NIN: variants seen among roughly 807,000 people sequenced by gnomAD.
NIN encodes the protein glycogen synthase kinase 3 beta-interacting protein.
Under a neutral mutation model 257.6 loss-of-function variants are expected in NIN, and 137 were observed. The ratio of observed to expected loss-of-function variants is 0.53; its 90% CI spans 0.46 to 0.61. The LOEUF is 0.61. NIN is among the 20% of genes least tolerant of loss of function. The pLI, the probability that NIN is intolerant of heterozygous loss-of-function variation, is 0.00. For synonymous variants in NIN, 918 were observed against 919.8 expected (o/e 1.00, Z 0.04); for missense variants, 2,439 against 2,501.2 (o/e 0.98, Z 0.53).
At position 50,772,521 on chromosome 14, in the gene NIN, C is replaced by T. The variant is rs754282038; in HGVS notation, c.814-53G>A. The T allele has an allele frequency of 1.9e-4, 291 of 1,565,934 alleles. 1 individual carries two copies. The highest frequency in any genetic ancestry group is 1.4e-3 in the Middle Eastern group (8 of 5,594). On this transcript the variant is annotated intron_variant, in intron 8 of 30. Transcript: ENST00000530997. ...CCTAGCTTGATTCCAGGCATTTCAA[C>T]AAGATATTGGTCAGCCCTGACCACG...
chr14:50,725,566 A>G (rs1336587039), intron 30 of NIN, among the ~76,000 whole-genome samples: 1 of 152,118 alleles, frequency 6.6e-6, no homozygotes, highest in Non-Finnish European at 1.5e-5. Context: ...CAATTTAAAT[A>G]GGAATATTTC....
At chr14:50,760,436 GCTTT>G in intron 16 of NIN, 77 bp from the exon 17 acceptor site, 2 of 544,224 alleles carry the variant, frequency 3.7e-6, no homozygotes, top group East Asian at 3.7e-5. Context: ...AGCAGCAATT[GCTTT>G]TTTTTTTTTT....
chr14:50,762,396 C>T (rs983032705), intron 15 of NIN, among the ~76,000 whole-genome samples: 5 of 152,130 alleles, frequency 3.3e-5, no homozygotes, highest in African/African-American at 4.8e-5. Flanking sequence ...CTATCAACAA[C>T]CCATCACTCA....
At chr14:50,738,002 A>G in intron 27 of NIN, 138 bp downstream of exon 27, 1 of 829,440 alleles carries the variant, frequency 1.2e-6, no homozygotes. Context: ...CTATTTTGAC[A>G]AGATAACAGC....
At chr14:50,796,902 T>G (rs1168947906) in intron 4 of NIN, among the ~76,000 whole-genome samples, 1 of 152,206 alleles carries the variant, frequency 6.6e-6, no homozygotes. Flanking sequence ...TACAGGTCAC[T>G]GCTTAAAATG....
intron 29 of NIN, chr14:50,727,787 A>G (rs768366968): frequency 7.1e-7 from 1 of 1,414,976 alleles, no homozygotes; most frequent in East Asian, 3.3e-5. Flanking sequence ...CTTCACCCTC[A>G]TGTCAGGATG....
intron 6 of NIN, among the ~76,000 whole-genome samples, chr14:50,777,505 C>T (rs2042968871): frequency 6.6e-6 from 1 of 152,186 alleles, no homozygotes; most frequent in Non-Finnish European, 1.5e-5. Flanking sequence ...TCTGTAAGCT[C>T]TATCTCAACT....
chr14:50,756,786 G>A lies in NIN; in HGVS notation c.4244C>T (p.Thr1415Ile), dbSNP rs2042045891. 1 of 1,551,474 alleles carries A rather than the reference G, an allele frequency of 6.4e-7. No homozygotes were observed. Among genetic ancestry groups the A allele is most frequent in the African/African-American group, 1.4e-5 (1 of 73,028 alleles). Residue 1415 changes from threonine (T) to isoleucine (I), a missense_variant, in exon 18 of 31, where the codon ACA becomes ATA. By Grantham distance (89) the Thr-to-Ile change is moderately conservative. Coordinates refer to ENST00000530997, the MANE Select transcript of NIN (RefSeq NM_020921.4). ...TGGCCTTTCTTGATGTGTCTGAATT[G>A]TTCCATGTAACCAGGCAATTTCATG... The part of the protein sequence containing the change: ...KAHEIAWLHG[T>I]IQTHQERPRV...
At position 50,761,697 on chromosome 14, in the gene NIN, C is replaced by A. The variant is rs986839954; in HGVS notation, c.1896+93G>T. The A allele has an allele frequency of 4.9e-6, 7 of 1,428,186 alleles. No homozygotes were observed. In the Admixed American group the frequency reaches 1.2e-4, roughly 25 times the overall value. 88.5% of individuals were successfully genotyped at this position (1,428,186 alleles called of 1,614,324 possible). ...TGGGTTCCCAACATAGAATGTGCTGCTCTATGAGAAAAAAGAATTGGAAAT... is the reference window on the plus strand; with the variant it reads ...TGGGTTCCCAACATAGAATGTGCTGATCTATGAGAAAAAAGAATTGGAAAT... On this transcript the variant is annotated intron_variant, in intron 16 of 30. Coordinates refer to ENST00000530997, the MANE Select transcript of NIN (RefSeq NM_020921.4).
chr14:50,737,640 G>T (rs936114143), intron 27 of NIN, among the ~76,000 whole-genome samples: 3 of 128,732 alleles, frequency 2.3e-5, no homozygotes, highest in East Asian at 2.1e-4. Context: ...GTGGTTTTTT[G>T]TTGTTGTTTT....
chr14:50,748,879 T>C (rs936393649), intron 21 of NIN, among the ~76,000 whole-genome samples: 1 of 152,156 alleles, frequency 6.6e-6, no homozygotes, highest in Non-Finnish European at 1.5e-5. Context: ...AAAATGGCCA[T>C]ACTGCCCAAA....
In NIN at chr14:50,743,398, C is replaced by A. The variant is rs1410789481; in HGVS notation, c.5301+18G>T. 1 of 1,470,798 alleles carries A rather than the reference C, an allele frequency of 6.8e-7. No homozygotes were observed. Among genetic ancestry groups the A allele is most frequent in the Non-Finnish European group, 9.5e-7 (1 of 1,049,302 alleles). 91.1% of individuals were successfully genotyped at this position (1,470,798 alleles called of 1,614,324 possible). ...GAGAATACTAACCGTGAAGATGAAA[C>A]AAGAATTGTCCATGTACCTTTTCCT... On this transcript the variant is annotated intron_variant, in intron 24 of 30. Coordinates refer to ENST00000530997, the MANE Select transcript of NIN (RefSeq NM_020921.4).
At position 50,757,946 on chromosome 14, in the gene NIN, A is replaced by G; in HGVS notation, c.3084T>C (p.Pro1028=). The change falls in exon 18 of 31, where the codon CCT becomes CCC. Residue 1028 remains proline (P), a synonymous_variant. Coordinates refer to ENST00000530997, the MANE Select transcript of NIN (RefSeq NM_020921.4). The part of the protein sequence containing the change: ...KIKEMQQATS[P]LSMLQSGCQV... ...GGCAACCACTCTGAAGCATTGAGAG[A>G]GGAGATGTTGCCTGCTGCATTTCCT... 1 of 1,613,692 alleles carries G rather than the reference A, an allele frequency of 6.2e-7. No individual in the cohort carries two copies. The highest frequency in any genetic ancestry group is 1.7e-5 in the Admixed American group (1 of 60,012).
At position 50,756,578 on chromosome 14, in the gene NIN, G is replaced by T; in HGVS notation, c.4452C>A (p.His1484Gln). 1 of 1,610,296 alleles carries T rather than the reference G, an allele frequency of 6.2e-7. No individual in the cohort carries two copies. Among genetic ancestry groups the T allele is most frequent in the African/African-American group, 1.3e-5 (1 of 74,954 alleles). ...CCTTCAGCTCTTCCTCCTTTTCTCC[G>T]TGAGAAAGTACATCTTTTTGCTTAA... ...ILVKQKDVLS[H>Q]GEKEEELKAM... Residue 1484 changes from histidine (H) to glutamine (Q), a missense_variant, in exon 18 of 31, where the codon CAC (histidine) becomes CAA (glutamine). His to Gln is a conservative substitution (Grantham distance 24). Transcript: ENST00000530997.
chr14:50,729,226 T>C (rs1041830250), intron 29 of NIN, among the ~76,000 whole-genome samples: 42 of 151,876 alleles, frequency 2.8e-4, no homozygotes, highest in African/African-American at 9.4e-4. Context: ...TAAATATCTC[T>C]CTGAAAGAAG....
intron 5 of NIN, among the ~76,000 whole-genome samples, chr14:50,788,370 A>G (rs2043435393): frequency 6.6e-6 from 1 of 152,212 alleles, no homozygotes; most frequent in Non-Finnish European, 1.5e-5. Flanking sequence ...ATATAAATTT[A>G]GTTGCTTCAA....
At chr14:50,823,175 A>G (rs1185926887) in intron 2 of NIN, 4 of 545,700 alleles carry the variant, frequency 7.3e-6, no homozygotes, top group African/African-American at 2.0e-5. Flanking sequence ...TTTTCCTTGC[A>G]TGACAGTTCA....
intron 5 of NIN, among the ~76,000 whole-genome samples, chr14:50,780,008 C>A (rs1330990272): frequency 6.6e-6 from 1 of 152,214 alleles, no homozygotes; most frequent in African/African-American, 2.4e-5. Context: ...TCACAGCATA[C>A]AGTTGTAATT....
chr14:50,747,749 AAG>A (rs1491500929), intron 22 of NIN, among the ~76,000 whole-genome samples: 3,373 of 127,184 alleles, frequency 0.027, 132 homozygotes, highest in African/African-American at 0.089. Context: ...AAAAAAAAAA[AAG>A]GGGGGGATTT....
Sources: gnomAD v4.1 joint callset for allele counts (sites outside exome capture counted in the v4.1 genomes callset) on GRCh38, gnomAD v4.1.1 for gene constraint, MANE v1.5 for transcripts, NCBI Gene and HGNC (gene_info 2026-07-23, HGNC 2026-07-21) for gene names.